The following CCDC91 variants were observed in gnomAD, a reference collection of about 807,000 sequenced individuals.
CCDC91 encodes the protein coiled-coil domain containing 91, also known as coiled-coil domain-containing protein 91.
CCDC91 carries 48 observed loss-of-function variants against 63.2 expected under a neutral mutation model. The ratio of observed to expected loss-of-function variants is 0.76; its 90% CI spans 0.60 to 0.97. The LOEUF (loss-of-function observed/expected upper bound fraction) is 0.97. Among genes scored for constraint, CCDC91 ranks in the 50% least tolerant of loss-of-function variants. The probability of loss-of-function intolerance (pLI) is 0.00; values close to 1 mark genes in which losing one functional copy is unlikely to be tolerated. For missense variants in CCDC91, 500 were observed against 494.6 expected, an observed-to-expected ratio of 1.01 and a Z score of -0.10; for synonymous variants, 167 against 165.8, an observed-to-expected ratio of 1.01 and a Z score of -0.06.
intron 11 of CCDC91, among the ~76,000 whole-genome samples, chr12:28,457,428 A>G (rs1950105021): frequency 6.6e-6 from 1 of 150,918 alleles, no homozygotes; most frequent in Non-Finnish European, 1.5e-5. Flanking sequence ...AGCAGTTAAT[A>G]TCTTTCTTTG....
At chr12:28,204,201 G>C (rs1205804169) in intron 1 of CCDC91, among the ~76,000 whole-genome samples, 2 of 152,148 alleles carry the variant, frequency 1.3e-5, no homozygotes, top group East Asian at 3.9e-4. Context: ...CAAAAAATTG[G>C]TAAGAACATG....
intron 12 of CCDC91, among the ~76,000 whole-genome samples, chr12:28,537,898 C>G (rs1350383364): frequency 6.6e-6 from 1 of 152,076 alleles, no homozygotes; most frequent in African/African-American, 2.4e-5. Context: ...GGGAGGAAGT[C>G]TTGGGAATAA....
chr12:28,243,936 C>T (rs1358523030), intron 1 of CCDC91, among the ~76,000 whole-genome samples: 1 of 152,142 alleles, frequency 6.6e-6, no homozygotes, highest in Admixed American at 6.5e-5. Flanking sequence ...CAGCATAATC[C>T]TGACATCCAA....
At chr12:28,521,207 T>C (rs1940614864) in intron 12 of CCDC91, among the ~76,000 whole-genome samples, 1 of 152,216 alleles carries the variant, frequency 6.6e-6, no homozygotes, top group Non-Finnish European at 1.5e-5. Flanking sequence ...TCCATGAGCA[T>C]GGAATGTTCT....
intron 12 of CCDC91, among the ~76,000 whole-genome samples, chr12:28,528,522 G>T (rs755994182): frequency 6.6e-6 from 1 of 152,122 alleles, no homozygotes; most frequent in Non-Finnish European, 1.5e-5. Flanking sequence ...CCTTCAGAGG[G>T]TCTGTGGGTT....
chr12:28,239,784 AAG>A (rs1356977592), intron 1 of CCDC91, among the ~76,000 whole-genome samples: 3 of 152,158 alleles, frequency 2.0e-5, no homozygotes, highest in Non-Finnish European at 2.9e-5. Flanking sequence ...ATAAATGAAA[AAG>A]AACTTATAAT....
At chr12:28,248,192 A>G (rs921148582) in intron 1 of CCDC91, among the ~76,000 whole-genome samples, 11 of 152,310 alleles carry the variant, frequency 7.2e-5, no homozygotes, top group Non-Finnish European at 1.3e-4. Flanking sequence ...GGTAGTGGCA[A>G]TCACTGGTCT....
chr12:28,253,595 G>A (rs1045777989), intron 1 of CCDC91, among the ~76,000 whole-genome samples: 2 of 152,140 alleles, frequency 1.3e-5, no homozygotes, highest in African/African-American at 4.8e-5. Flanking sequence ...ATTCATAAGT[G>A]TGATTCTCAT....
Position 28,249,865 on chromosome 12 carries a change from G to A in CCDC91, c.-14-7337G>A, listed in dbSNP as rs757319791. Reference sequence around the variant, plus strand: ...ATCTTACCTTTAGCATTCATTGAGCGATGAGATTTTGCCAGATAAGAATAC... The same window carrying A: ...ATCTTACCTTTAGCATTCATTGAGCAATGAGATTTTGCCAGATAAGAATAC... On this transcript the variant is annotated intron_variant, in intron 1 of 12. Coordinates refer to ENST00000536442, the MANE Select transcript of CCDC91 (RefSeq NM_018318.5). Among the ~76,000 whole-genome samples, 6 of 152,174 alleles carry A rather than the reference G, an allele frequency of 3.9e-5. No homozygotes were observed. The Middle Eastern group carries it at 0.014, about 345-fold the overall frequency.
intron 1 of CCDC91, among the ~76,000 whole-genome samples, chr12:28,238,439 G>A (rs577093003): frequency 1.5e-4 from 23 of 152,130 alleles, no homozygotes; most frequent in African/African-American, 5.5e-4. Context: ...AAGAACCTAA[G>A]GAAAGAATTA....
chr12:28,220,936 C>T (rs1460930515), intron 1 of CCDC91, among the ~76,000 whole-genome samples: 1 of 151,890 alleles, frequency 6.6e-6, no homozygotes, highest in Non-Finnish European at 1.5e-5. Context: ...TTTGTTCTTT[C>T]TCGCTATTCT....
chr12:28,310,254 A>G (rs3782517), intron 6 of CCDC91, among the ~76,000 whole-genome samples: 30,453 of 152,000 alleles, frequency 0.2, 4,001 homozygotes, highest in Non-Finnish European at 0.3. Flanking sequence ...CATCTTTGAG[A>G]GTTCAGTTTT....
At chr12:28,450,909 C>T (rs1949773615) in intron 10 of CCDC91, among the ~76,000 whole-genome samples, 1 of 151,492 alleles carries the variant, frequency 6.6e-6, no homozygotes, top group Admixed American at 6.6e-5. Context: ...TATCACTATG[C>T]CAGGGTTAAA....
In CCDC91 at chr12:28,356,024, G is replaced by GT. The variant is rs1206262284; in HGVS notation, c.577-6406dup. 5.3e-5 allele frequency among the ~76,000 whole-genome samples: 8 copies of GT among 151,816 alleles called. No individual in the cohort carries two copies. In the South Asian group the frequency reaches 6.3e-4, roughly 12 times the overall value. ...TTTTAGACTGATTCTTATCATGTGTGTTTTTTTTCTTCCATTTTATATTTA... is the reference window on the plus strand; with the variant it reads ...TTTTAGACTGATTCTTATCATGTGTGTTTTTTTTTCTTCCATTTTATATTTA... On this transcript the variant is annotated intron_variant, in intron 6 of 12. Transcript: ENST00000536442.
At chr12:28,439,970 TAA>T (rs200613015) in intron 8 of CCDC91, among the ~76,000 whole-genome samples, 11 of 138,380 alleles carry the variant, frequency 7.9e-5, no homozygotes, top group East Asian at 2.1e-4. Flanking sequence ...TTCAATTTGC[TAA>T]AAAAAAAAAA....
chr12:28,436,428 A>G (rs1948911331), intron 8 of CCDC91, among the ~76,000 whole-genome samples: 1 of 151,780 alleles, frequency 6.6e-6, no homozygotes, highest in Non-Finnish European at 1.5e-5. Context: ...CTTTGTTGTC[A>G]TTCATTTCAC....
rs577738145 is a variant in CCDC91 at position 28,527,735 on chromosome 12, A to G, written c.1216-21328A>G. ...CCATTAGATGGTGGCAGGGCTAGGC[A>G]TGCCTGGGCTTGGACTCTACTTGGG... is the stretch of plus-strand genomic sequence containing the variant. On this transcript the variant is annotated intron_variant, in intron 12 of 12. Transcript: ENST00000536442. Among the ~76,000 whole-genome samples the G allele has an allele frequency of 7.0e-4, 107 of 152,264 alleles. 1 individual carries two copies. Among genetic ancestry groups the G allele is most frequent in the African/African-American group, 2.4e-3 (99 of 41,562 alleles).
chr12:28,516,559 G>A (rs980782567), intron 12 of CCDC91, among the ~76,000 whole-genome samples: 1 of 151,914 alleles, frequency 6.6e-6, no homozygotes, highest in African/African-American at 2.4e-5. Flanking sequence ...AGCCAAGATT[G>A]TGCCACTGTA....
rs989746121 is a variant in CCDC91 at position 28,269,979 on chromosome 12, T to G, written c.109+10537T>G. Among the ~76,000 whole-genome samples, 6 of 152,182 alleles carry G rather than the reference T, an allele frequency of 3.9e-5. No individual in the cohort carries two copies. The Middle Eastern group carries it at 0.014, about 345-fold the overall frequency. On this transcript the variant is annotated intron_variant, in intron 3 of 12. Transcript: ENST00000536442. Reference sequence around the variant, plus strand: ...TTGGCTTGCAGCTAGTATGCATTAATTTTTTTCCTTATTAAAGCATTGCTG... The same window carrying G: ...TTGGCTTGCAGCTAGTATGCATTAAGTTTTTTCCTTATTAAAGCATTGCTG...
Sources: gnomAD v4.1 joint callset for allele counts (sites outside exome capture counted in the v4.1 genomes callset) on GRCh38, gnomAD v4.1.1 for gene constraint, MANE v1.5 for transcripts, NCBI Gene and HGNC (gene_info 2026-07-23, HGNC 2026-07-21) for gene names.